The following EIF2S1 variants were observed in gnomAD, a reference collection of about 807,000 sequenced individuals.
EIF2S1 encodes eukaryotic translation initiation factor 2 subunit 1.
EIF2S1 carries 5 observed loss-of-function variants against 33.5 expected under a neutral mutation model. The observed-to-expected ratio is 0.15, with a 90% CI of 0.08 to 0.31. EIF2S1 has a LOEUF of 0.31. EIF2S1 is among the 10% of genes least tolerant of loss of function. The pLI is 1.00. For synonymous variants in EIF2S1, 99 were observed against 127.5 expected (o/e 0.78, Z 1.51); for missense variants, 191 against 384.6 (o/e 0.50, Z 4.21).
intron 4 of EIF2S1, among the ~76,000 whole-genome samples, chr14:67,377,541 C>CT (rs942010824): frequency 2.6e-5 from 4 of 152,194 alleles, no homozygotes; most frequent in African/African-American, 7.2e-5. Flanking sequence ...TCTCAACAAA[C>CT]TTACATATCT....
chr14:67,374,299 A>G (rs1273996105), intron 2 of EIF2S1, among the ~76,000 whole-genome samples, 169 bp from the exon 3 acceptor site: 1 of 152,190 alleles, frequency 6.6e-6, no homozygotes, highest in African/African-American at 2.4e-5. Context: ...AGCATTTCTG[A>G]TGAGGGATAC....
At position 67,386,113 on chromosome 14, in the gene EIF2S1, A is replaced by C. The variant is rs1472635538; in HGVS notation, c.*2673A>C. On this transcript the variant is annotated 3_prime_UTR_variant, in exon 8 of 8. Transcript: ENST00000256383. ...CCAATTTGGAGGCAGGAAGCCATCA[A>C]ACTAAACGTAGTTTAATTCAGATGA... 6.6e-6 allele frequency: 1 copy of C among 152,606 alleles called. No individual in the cohort carries two copies. The highest frequency in any genetic ancestry group is 1.5e-5 in the Non-Finnish European group (1 of 68,044). 9.5% of individuals were successfully genotyped at this position (152,606 alleles called of 1,614,324 possible).
At chr14:67,363,829 A>G (rs1282584080) in intron 1 of EIF2S1, among the ~76,000 whole-genome samples, 2 of 152,210 alleles carry the variant, frequency 1.3e-5, no homozygotes, top group Non-Finnish European at 2.9e-5. Context: ...AAGTTCTGTT[A>G]CTACCTACGT....
intron 1 of EIF2S1, 22 bp from the exon 2 acceptor site, chr14:67,364,745 A>T (rs1355820836): frequency 6.2e-7 from 1 of 1,600,306 alleles, no homozygotes; most frequent in Non-Finnish European, 8.5e-7. Context: ...ATACTTACTT[A>T]ATTCTTTTGT....
intron 7 of EIF2S1, 108 bp downstream of exon 7, chr14:67,382,698 C>A: frequency 1.6e-6 from 2 of 1,286,984 alleles, no homozygotes; most frequent in African/African-American, 1.5e-5. Flanking sequence ...GTAGGATGGT[C>A]ATTCAGGCCT....
chr14:67,376,656 C>T, intron 4 of EIF2S1, 66 bp downstream of exon 4: 1 of 1,518,810 alleles, frequency 6.6e-7, no homozygotes, highest in East Asian at 2.3e-5. Flanking sequence ...TATTTAACAG[C>T]ATAGCATCCA....
rs146134136 is a variant in EIF2S1 at position 67,381,795 on chromosome 14, A to T, written c.678+105A>T. 6.3e-3 allele frequency: 5,115 copies of T among 817,544 alleles called. 32 individuals are homozygous for T. Among genetic ancestry groups the T allele is most frequent in the Middle Eastern group, 0.012 (52 of 4,222 alleles). 50.6% of individuals were successfully genotyped at this position (817,544 alleles called of 1,614,324 possible). On this transcript the variant is annotated intron_variant, in intron 6 of 7. Coordinates refer to ENST00000256383, the MANE Select transcript of EIF2S1 (RefSeq NM_004094.5). ...TTTTTTAATCACATTTCATAACAAA[A>T]GTGGGTTTTTTACTCTTAAAATTGA...
chr14:67,376,409 G>T, intron 3 of EIF2S1, 30 bp from the exon 4 acceptor site: 1 of 1,554,360 alleles, frequency 6.4e-7, no homozygotes, highest in Non-Finnish European at 8.7e-7. Flanking sequence ...TCTTATCTTT[G>T]AATTGTTGAG....
intron 5 of EIF2S1, among the ~76,000 whole-genome samples, chr14:67,381,141 G>T (rs1318824136): frequency 6.6e-6 from 1 of 152,118 alleles, no homozygotes; most frequent in African/African-American, 2.4e-5. Context: ...TTCCATTGCA[G>T]AACATAGGAA....
At chr14:67,367,182 A>T (rs2085784913) in intron 2 of EIF2S1, among the ~76,000 whole-genome samples, 1 of 152,226 alleles carries the variant, frequency 6.6e-6, no homozygotes, top group South Asian at 2.1e-4. Flanking sequence ...GGGGAGACAG[A>T]GCTTATAGTT....
chr14:67,366,854 T>TGAGCCGAGATTGCGCCACTGCAG (rs2085782186), intron 2 of EIF2S1, among the ~76,000 whole-genome samples: 10 of 152,054 alleles, frequency 6.6e-5, no homozygotes, highest in African/African-American at 1.7e-4. Context: ...ATGTTTTCTG[T>TGAGCCGAGATTGCGCCACTGCAG]TTTACACCTT....
Position 67,385,440 on chromosome 14 carries a change from A to C in EIF2S1, c.*2000A>C, listed in dbSNP as rs1405551104. Reference sequence around the variant, plus strand: ...GGGTGACAGGGCAAGACCCTGTCTCAAAAAAAAAAAAAAAAACCAAAAATC... The same window carrying C: ...GGGTGACAGGGCAAGACCCTGTCTCCAAAAAAAAAAAAAAAACCAAAAATC... On this transcript the variant is annotated 3_prime_UTR_variant, in exon 8 of 8. Coordinates refer to ENST00000256383, the MANE Select transcript of EIF2S1 (RefSeq NM_004094.5). 1 of 76,086 alleles carries C rather than the reference A, an allele frequency of 1.3e-5. No individual in the cohort carries two copies. Among genetic ancestry groups the C allele is most frequent in the Non-Finnish European group, 2.0e-5 (1 of 49,540 alleles). The allele number at this position is 76,086 out of a possible 1,614,324, so 4.7% of individuals were successfully genotyped here. A position where few individuals can be genotyped will look rare whatever the true frequency, so the allele number is the denominator to read the frequency against.
intron 6 of EIF2S1, among the ~76,000 whole-genome samples, chr14:67,382,188 ATTCT>A (rs1180059814): frequency 2.6e-5 from 4 of 151,972 alleles, no homozygotes; most frequent in Non-Finnish European, 4.4e-5. Flanking sequence ...GGAAATGATA[ATTCT>A]TTCTATTCAG....
chr14:67,376,150 G>C (rs2085856815), intron 3 of EIF2S1, among the ~76,000 whole-genome samples: 2 of 131,626 alleles, frequency 1.5e-5, no homozygotes, highest in South Asian at 4.8e-4. Context: ...CTATATATTT[G>C]ATCTATGCGA....
chr14:67,363,783 A>G (rs370514256), intron 1 of EIF2S1, among the ~76,000 whole-genome samples: 11 of 152,310 alleles, frequency 7.2e-5, no homozygotes, highest in African/African-American at 2.6e-4. Flanking sequence ...TTAATAAGTT[A>G]TTATATGAAT....
In EIF2S1 at chr14:67,381,662, A is replaced by G; in HGVS notation, c.650A>G (p.Asn217Ser). The G allele has an allele frequency of 6.2e-7, 1 of 1,613,500 alleles. No individual in the cohort carries two copies. Among genetic ancestry groups the G allele is most frequent in the Non-Finnish European group, 8.5e-7 (1 of 1,179,588 alleles). The change falls in exon 6 of 8, where the codon AAT (asparagine) becomes AGT (serine). Residue 217 changes from asparagine (N) to serine (S), a missense_variant. By Grantham distance (46) the Asn-to-Ser change is conservative. Transcript: ENST00000256383. Reference protein sequence around the residue: ...AVKEALRAGLNCSTENMPIKI... With the variant: ...AVKEALRAGLSCSTENMPIKI... ...AAAGAAGCCCTAAGAGCAGGTTTGA[A>G]TTGTTCTACAGAAAACATGCCCATT...
Position 67,383,332 on chromosome 14 carries a change from T to G in EIF2S1, c.840T>G (p.Asp280Glu). The change falls in exon 8 of 8, where the codon GAT becomes GAG. Residue 280 changes from aspartate to glutamate, a missense_variant. By Grantham distance (45) the Asp-to-Glu change is conservative. Transcript: ENST00000256383. ...NVQMEPKVVT[D>E]TDETELARQM... Reference sequence around the variant, plus strand: ...TTCCACAGCCCAAAGTGGTCACAGATACAGATGAGACTGAACTTGCGAGGC... The same window carrying G: ...TTCCACAGCCCAAAGTGGTCACAGAGACAGATGAGACTGAACTTGCGAGGC... 1.2e-6 allele frequency: 2 copies of G among 1,613,454 alleles called. No homozygotes were observed. Among genetic ancestry groups the G allele is most frequent in the Non-Finnish European group, 1.7e-6 (2 of 1,179,564 alleles).
intron 3 of EIF2S1, among the ~76,000 whole-genome samples, chr14:67,375,055 C>G (rs986730326): frequency 6.6e-6 from 1 of 152,134 alleles, no homozygotes; most frequent in African/African-American, 2.4e-5. Flanking sequence ...GTTTTTTTCC[C>G]CCTCCACTAG....
intron 1 of EIF2S1, among the ~76,000 whole-genome samples, chr14:67,361,321 G>A (rs533590908): frequency 6.6e-6 from 1 of 152,270 alleles, no homozygotes; most frequent in Admixed American, 6.5e-5. Flanking sequence ...AATAGTTTGG[G>A]GGTGACTTGT....
Sources: allele counts gnomAD v4.1 joint callset (sites outside exome capture counted in the v4.1 genomes callset), GRCh38; gene constraint gnomAD v4.1.1; transcripts MANE v1.5; gene names NCBI Gene and HGNC (gene_info 2026-07-23, HGNC 2026-07-21).